The following EFEMP1 variants were observed in gnomAD, a reference collection of about 807,000 sequenced individuals.
The protein encoded by EFEMP1 is EGF-containing fibulin-like extracellular matrix protein 1.
In EFEMP1, 18 loss-of-function variants were observed where a neutral mutation model predicts 65.7. The ratio of observed to expected loss-of-function variants is 0.27; its 90% CI spans 0.19 to 0.41. The LOEUF (loss-of-function observed/expected upper bound fraction) is 0.41, where lower values mean the gene tolerates loss of function less well. Among genes scored for constraint, EFEMP1 ranks in the 10% least tolerant of loss-of-function variants. The pLI is 1.00. For synonymous variants in EFEMP1, 237 were observed against 219.7 expected, an observed-to-expected ratio of 1.08 and a Z score of -0.70; for missense variants, 469 against 624.8, an observed-to-expected ratio of 0.75 and a Z score of 2.66.
At chr2:55,875,840 A>G (rs1669011799) in intron 8 of EFEMP1, among the ~76,000 whole-genome samples, 1 of 151,662 alleles carries the variant, frequency 6.6e-6, no homozygotes, top group Non-Finnish European at 1.5e-5. Context: ...TGATGTCCCT[A>G]CAGTTTACTC....
chr2:55,897,207 C>T (rs530269404), intron 5 of EFEMP1, among the ~76,000 whole-genome samples: 6 of 152,092 alleles, frequency 3.9e-5, no homozygotes, highest in Non-Finnish European at 8.8e-5. Flanking sequence ...ATTCTCAGCA[C>T]CCACTATGCT....
rs527888884 is a variant in EFEMP1, at chr2:55,919,165, A to C, written c.82-898T>G. ...GAGAGGCTATTGTGACAAAGGCATA[A>C]AATTTTTGAAAAGGGAAGGAGCTGC... is the stretch of plus-strand genomic sequence containing the variant. On this transcript the variant is annotated intron_variant, in intron 3 of 11. Coordinates refer to ENST00000355426, the MANE Select transcript of EFEMP1 (RefSeq NM_001039348.3). The surrounding 1 kb of genome is among the most constrained non-coding windows in gnomAD (Gnocchi z 4.5). 6.6e-6 allele frequency among the ~76,000 whole-genome samples: 1 copy of C among 152,308 alleles called. No individual in the cohort carries two copies. The highest frequency in any genetic ancestry group is 2.4e-5 in the African/African-American group (1 of 41,566).
intron 5 of EFEMP1, among the ~76,000 whole-genome samples, chr2:55,913,866 A>T (rs1670576930): frequency 6.6e-6 from 1 of 151,972 alleles, no homozygotes; most frequent in South Asian, 2.1e-4. Flanking sequence ...AAAAATTAGC[A>T]GGGTGTGGTG....
chr2:55,910,174 C>T (rs763426013), intron 5 of EFEMP1, among the ~76,000 whole-genome samples: 2 of 152,190 alleles, frequency 1.3e-5, no homozygotes, highest in Non-Finnish European at 1.5e-5. Context: ...GCTCAGCATT[C>T]AGCCTTCCTT....
chr2:55,922,598 C>A lies in EFEMP1; in HGVS notation c.-7-151G>T. On this transcript the variant is annotated intron_variant, in intron 2 of 11. Coordinates refer to ENST00000355426, the MANE Select transcript of EFEMP1 (RefSeq NM_001039348.3). The surrounding 1 kb of genome is among the most constrained non-coding windows in gnomAD (Gnocchi z 5.5). ...CCAATCTGCTTTCTCATCTCCCCTCCCCCTCCTGAACCTTCTCGGTAGCCA... is the reference window on the plus strand; with the variant it reads ...CCAATCTGCTTTCTCATCTCCCCTCACCCTCCTGAACCTTCTCGGTAGCCA... 1.3e-6 allele frequency: 1 copy of A among 747,914 alleles called. No individual in the cohort carries two copies. Among genetic ancestry groups the A allele is most frequent in the South Asian group, 1.5e-5 (1 of 67,054 alleles). 46.3% of individuals were successfully genotyped at this position (747,914 alleles called of 1,614,324 possible). A position where few individuals can be genotyped will look rare whatever the true frequency, so the allele number is the denominator to read the frequency against.
Position 55,867,134 on chromosome 2 carries a change from C to T in EFEMP1, c.1421G>A (p.Gly474Glu). ...DLEMLTVSSI[G>E]TFRTSSVLRL... ...TAACACAGAGCTTGTGCGGAAGGTC[C>T]CTATACTGCTGACTGTCAGCATCTC... Residue 474 changes from glycine (G) to glutamate (E), a missense_variant, in exon 12 of 12, where the codon GGG (glycine) becomes GAG (glutamate). Transcript: ENST00000355426. This position sits in a 1 kb window ranked among gnomAD's most constrained non-coding sequence, Gnocchi z 4.3. The T allele has an allele frequency of 3.1e-6, 5 of 1,613,806 alleles. No homozygotes were observed. Among genetic ancestry groups the T allele is most frequent in the Non-Finnish European group, 4.2e-6 (5 of 1,179,938 alleles).
chr2:55,901,659 G>A (rs957393209), intron 5 of EFEMP1, among the ~76,000 whole-genome samples: 1 of 152,072 alleles, frequency 6.6e-6, no homozygotes, highest in Non-Finnish European at 1.5e-5. Context: ...CTAAATGGTT[G>A]GAGTCAACTC....
intron 5 of EFEMP1, among the ~76,000 whole-genome samples, chr2:55,905,866 T>G (rs1002217211): frequency 8.5e-5 from 13 of 152,208 alleles, no homozygotes; most frequent in Non-Finnish European, 1.9e-4. Flanking sequence ...ATTCTAATAG[T>G]CCATTTGGTG....
At chr2:55,887,312 G>A (rs1362493730) in intron 5 of EFEMP1, among the ~76,000 whole-genome samples, 1 of 152,096 alleles carries the variant, frequency 6.6e-6, no homozygotes, top group Non-Finnish European at 1.5e-5. Context: ...TGAATTTATA[G>A]GTGTTTTTAA....
intron 3 of EFEMP1, among the ~76,000 whole-genome samples, chr2:55,920,727 T>C (rs1670883375): frequency 6.6e-6 from 1 of 152,230 alleles, no homozygotes. Flanking sequence ...CCTAAGCAAG[T>C]TAGACACTCT....
intron 5 of EFEMP1, among the ~76,000 whole-genome samples, chr2:55,882,672 A>C (rs1464204248): frequency 6.6e-6 from 1 of 152,174 alleles, no homozygotes; most frequent in Non-Finnish European, 1.5e-5. Flanking sequence ...GTACACAAAA[A>C]AGGATCATAT....
intron 5 of EFEMP1, among the ~76,000 whole-genome samples, chr2:55,910,938 C>A (rs538448576): frequency 1.3e-5 from 2 of 152,018 alleles, no homozygotes; most frequent in East Asian, 3.9e-4. Flanking sequence ...CAAACCGAAC[C>A]GCTACAGCAT....
At chr2:55,899,222 C>T (rs1440334811) in intron 5 of EFEMP1, among the ~76,000 whole-genome samples, 3 of 152,226 alleles carry the variant, frequency 2.0e-5, no homozygotes. Flanking sequence ...GGGACTGAGG[C>T]TCTCAACTAG....
chr2:55,875,533 T>C (rs901195621), intron 8 of EFEMP1, among the ~76,000 whole-genome samples: 2 of 152,108 alleles, frequency 1.3e-5, no homozygotes, highest in African/African-American at 4.8e-5. Context: ...TATGACTTCA[T>C]AGCACAAAAA....
chr2:55,906,159 G>C (rs1226746345), intron 5 of EFEMP1, among the ~76,000 whole-genome samples: 2 of 150,532 alleles, frequency 1.3e-5, no homozygotes, highest in African/African-American at 4.9e-5. Flanking sequence ...CCCCCACCCT[G>C]ACCCACGACA....
At chr2:55,912,264 T>A (rs1363739519) in intron 5 of EFEMP1, among the ~76,000 whole-genome samples, 1 of 152,156 alleles carries the variant, frequency 6.6e-6, no homozygotes, top group African/African-American at 2.4e-5. Context: ...GAAGAAAAAT[T>A]AGGCATTTCC....
intron 11 of EFEMP1, among the ~76,000 whole-genome samples, chr2:55,869,310 T>C (rs1024335682): frequency 2.0e-5 from 3 of 152,188 alleles, no homozygotes; most frequent in African/African-American, 7.2e-5. Context: ...TTAAAAATAA[T>C]GTTATTTGTT....
At chr2:55,893,563 T>C (rs181026721) in intron 5 of EFEMP1, among the ~76,000 whole-genome samples, 106 of 152,328 alleles carry the variant, frequency 7.0e-4, no homozygotes, top group African/African-American at 2.4e-3. Flanking sequence ...GCCACATCTA[T>C]GAAGTCGGGG....
chr2:55,913,902 CG>C (rs1558487342), intron 5 of EFEMP1, among the ~76,000 whole-genome samples: 4 of 151,818 alleles, frequency 2.6e-5, no homozygotes, highest in African/African-American at 9.7e-5. Flanking sequence ...CACAGCTACT[CG>C]GGAGGCTGAG....
Sources: allele counts gnomAD v4.1 joint callset (sites outside exome capture counted in the v4.1 genomes callset), GRCh38; gene constraint gnomAD v4.1.1; non-coding constraint Gnocchi (gnomAD v3.1); transcripts MANE v1.5; gene names NCBI Gene and HGNC (gene_info 2026-07-23, HGNC 2026-07-21).